Variants in RELN observed in about 807,000 individuals in gnomAD.
The protein encoded by RELN is reelin.
Under a neutral mutation model 427.6 loss-of-function variants are expected in RELN, and 108 were observed. That is an observed-to-expected ratio of 0.25 (90% confidence interval 0.22 to 0.30). The LOEUF (loss-of-function observed/expected upper bound fraction) is 0.30, where lower values mean the gene tolerates loss of function less well. RELN is among the 10% of genes least tolerant of loss of function. The pLI is 1.00. For synonymous variants in RELN, 1,524 were observed against 1,513.4 expected (o/e 1.01, Z -0.16); for missense variants, 3,715 against 4,302.8 (o/e 0.86, Z 3.82).
chr7:103,708,102 A>C (rs1192152872), intron 8 of RELN, among the ~76,000 whole-genome samples: 2 of 152,186 alleles, frequency 1.3e-5, no homozygotes, highest in Non-Finnish European at 2.9e-5. Flanking sequence ...ATAGGTATCC[A>C]CTTTTACTCT....
intron 3 of RELN, among the ~76,000 whole-genome samples, chr7:103,792,444 C>T (rs1254639511): frequency 6.6e-6 from 1 of 151,204 alleles, no homozygotes; most frequent in Non-Finnish European, 1.5e-5. Flanking sequence ...TGAAAATATG[C>T]AAAGTGAAAA....
chr7:103,680,890 G>A (rs1056248212), intron 11 of RELN, among the ~76,000 whole-genome samples: 1 of 152,118 alleles, frequency 6.6e-6, no homozygotes, highest in Non-Finnish European at 1.5e-5. Flanking sequence ...AATAGGCCCT[G>A]AGGGGGTGGA....
intron 1 of RELN, among the ~76,000 whole-genome samples, chr7:103,962,645 GTTGT>G (rs1183043044): frequency 3.7e-5 from 3 of 81,018 alleles, no homozygotes; most frequent in Non-Finnish European, 6.7e-5. Flanking sequence ...TTCCAAAGTT[GTTGT>G]GTGTGTGTGT....
chr7:103,754,225 T>C (rs1329372573), intron 4 of RELN, among the ~76,000 whole-genome samples: 1 of 152,158 alleles, frequency 6.6e-6, no homozygotes, highest in South Asian at 2.1e-4. Context: ...CCACATTATA[T>C]CCAAATGTTT....
intron 4 of RELN, 77 bp downstream of exon 4, chr7:103,776,480 C>A: frequency 7.1e-7 from 1 of 1,403,350 alleles, no homozygotes; most frequent in Middle Eastern, 1.8e-4. Context: ...TAATGAAATG[C>A]TTACTTGGTA....
At chr7:103,572,084 G>A in intron 31 of RELN, 100 bp downstream of exon 31, 1 of 744,786 alleles carries the variant, frequency 1.3e-6, no homozygotes, top group Non-Finnish European at 2.5e-6. Context: ...AATGATTCAG[G>A]GTAATGTATC....
chr7:103,908,410 C>T (rs1220134966), intron 2 of RELN, among the ~76,000 whole-genome samples: 1 of 152,056 alleles, frequency 6.6e-6, no homozygotes, highest in Non-Finnish European at 1.5e-5. Flanking sequence ...GAACTGGGCA[C>T]CATGGTTATT....
intron 2 of RELN, among the ~76,000 whole-genome samples, chr7:103,883,471 T>C (rs758634747): frequency 2.0e-5 from 3 of 152,172 alleles, no homozygotes; most frequent in Non-Finnish European, 4.4e-5. Context: ...GGTGTTCGAA[T>C]AGGAAAAGAG....
At chr7:103,914,250 G>A (rs1795433088) in intron 2 of RELN, among the ~76,000 whole-genome samples, 1 of 151,968 alleles carries the variant, frequency 6.6e-6, no homozygotes, top group South Asian at 2.1e-4. Flanking sequence ...CTCTCAAAAT[G>A]TGCTTACAAC....
At chr7:103,774,655 G>T (rs1170891942) in intron 4 of RELN, among the ~76,000 whole-genome samples, 1 of 152,138 alleles carries the variant, frequency 6.6e-6, no homozygotes, top group African/African-American at 2.4e-5. Flanking sequence ...TATTTGAGGA[G>T]ACAATTACTA....
intron 4 of RELN, among the ~76,000 whole-genome samples, chr7:103,774,296 C>CAAAA (rs35834080): frequency 1.7e-5 from 2 of 121,038 alleles, no homozygotes; most frequent in African/African-American, 6.2e-5. Context: ...GACTTTGTCT[C>CAAAA]AAAAAAAAAA....
rs979060422 is a variant in RELN, at chr7:103,988,950, C to A, written c.226+181G>T. Among the ~76,000 whole-genome samples the A allele has an allele frequency of 2.3e-4, 35 of 152,164 alleles. No homozygotes were observed. Among genetic ancestry groups the A allele is most frequent in the African/African-American group, 8.4e-4 (35 of 41,452 alleles). ...GGGAGTGGGGACATGGAGAATGAAT[C>A]CCAACTTGTGACTCCATTCTCCACT... On this transcript the variant is annotated intron_variant, in intron 1 of 64. Coordinates refer to ENST00000428762, the MANE Select transcript of RELN (RefSeq NM_005045.4). This position sits in a 1 kb window ranked among gnomAD's most constrained non-coding sequence, Gnocchi z 4.9.
chr7:103,882,226 A>G (rs1306616287), intron 2 of RELN, among the ~76,000 whole-genome samples: 1 of 152,240 alleles, frequency 6.6e-6, no homozygotes, highest in African/African-American at 2.4e-5. Context: ...GATCTCTATC[A>G]TAACTACAGT....
intron 2 of RELN, among the ~76,000 whole-genome samples, chr7:103,846,905 AAAG>A (rs1282872750): frequency 1.5e-4 from 23 of 152,348 alleles, no homozygotes; most frequent in African/African-American, 5.5e-4. Context: ...GGCGATCATT[AAAG>A]AAGCAGGAAA....
In RELN at chr7:103,617,730, C is replaced by T. The variant is rs73402418; in HGVS notation, c.2703-5927G>A. ...TTACTGCTATAGTTTGGATGTTTGT[C>T]CCTCCAAATCTCATTTTGAAATTTG... On this transcript the variant is annotated intron_variant, in intron 20 of 64. Coordinates refer to ENST00000428762, the MANE Select transcript of RELN (RefSeq NM_005045.4). Among the ~76,000 whole-genome samples, 660 of 151,808 alleles carry T rather than the reference C, an allele frequency of 4.3e-3. 5 individuals are homozygous for T. Among genetic ancestry groups the T allele is most frequent in the Middle Eastern group, 0.017 (5 of 294 alleles).
intron 6 of RELN, among the ~76,000 whole-genome samples, chr7:103,739,420 A>G (rs1304305234): frequency 1.3e-5 from 2 of 152,106 alleles, no homozygotes; most frequent in Admixed American, 6.6e-5. Context: ...TATGACTAAG[A>G]CACTATTGAT....
At chr7:103,664,632 C>T (rs562090170) in intron 11 of RELN, among the ~76,000 whole-genome samples, 11 of 152,168 alleles carry the variant, frequency 7.2e-5, no homozygotes, top group Non-Finnish European at 1.6e-4. Context: ...TCCCCACAAG[C>T]TTGCCATCAC....
chr7:103,970,303 G>A (rs1391974362), intron 1 of RELN, among the ~76,000 whole-genome samples: 1 of 151,252 alleles, frequency 6.6e-6, no homozygotes, highest in African/African-American at 2.4e-5. Context: ...CCACCATGCC[G>A]GGCTAATTTT....
At chr7:103,758,620 G>A (rs1791221614) in intron 4 of RELN, among the ~76,000 whole-genome samples, 1 of 151,068 alleles carries the variant, frequency 6.6e-6, no homozygotes, top group Non-Finnish European at 1.5e-5. Context: ...AATTTCATAA[G>A]TCAAATCCCT....
Sources: allele counts gnomAD v4.1 joint callset (sites outside exome capture counted in the v4.1 genomes callset), GRCh38; gene constraint gnomAD v4.1.1; non-coding constraint Gnocchi (gnomAD v3.1); transcripts MANE v1.5; gene names NCBI Gene and HGNC (gene_info 2026-07-23, HGNC 2026-07-21).